The following MYO9A variants were observed in gnomAD, a reference collection of about 807,000 sequenced individuals.
MYO9A encodes the protein myosin IXA.
MYO9A carries 103 observed loss-of-function variants against 293.3 expected under a neutral mutation model. The ratio of observed to expected loss-of-function variants is 0.35; its 90% confidence interval spans 0.30 to 0.41. The LOEUF (loss-of-function observed/expected upper bound fraction) is 0.41, where lower values mean the gene tolerates loss of function less well. Among genes scored for constraint, MYO9A ranks in the 10% least tolerant of loss-of-function variants. MYO9A has a pLI of 1.00. For missense variants in MYO9A, 2,685 were observed against 3,033.0 expected (o/e 0.89, Z 2.69); for synonymous variants, 1,001 against 1,035.7 (o/e 0.97, Z 0.64).
At chr15:71,905,265 G>T (rs1213062282) in intron 19 of MYO9A, among the ~76,000 whole-genome samples, 1 of 152,092 alleles carries the variant, frequency 6.6e-6, no homozygotes, top group Non-Finnish European at 1.5e-5. Flanking sequence ...ATCAAATATA[G>T]AATTTTTTTC....
At chr15:72,043,034 A>G (rs542551885) in intron 2 of MYO9A, among the ~76,000 whole-genome samples, 2 of 151,734 alleles carry the variant, frequency 1.3e-5, no homozygotes, top group Admixed American at 6.6e-5. Flanking sequence ...ACACCACTAC[A>G]CTCCAGCCTG....
At chr15:71,835,967 A>T (rs2054924915) in intron 39 of MYO9A, among the ~76,000 whole-genome samples, 1 of 152,120 alleles carries the variant, frequency 6.6e-6, no homozygotes, top group Non-Finnish European at 1.5e-5. Flanking sequence ...GGGGAACTGC[A>T]GGGCATTGTG....
At chr15:71,859,620 A>G in intron 34 of MYO9A, 115 bp downstream of exon 34, 2 of 758,550 alleles carry the variant, frequency 2.6e-6, no homozygotes. Context: ...TTTGTGGTCA[A>G]AAAGTTTAAA....
At chr15:71,933,560 G>A (rs2058541483) in intron 18 of MYO9A, 110 bp downstream of exon 18, 2 of 1,009,050 alleles carry the variant, frequency 2.0e-6, no homozygotes, top group Non-Finnish European at 3.0e-6. Flanking sequence ...TCACTATCTT[G>A]GATACAAATA....
chr15:72,031,242 T>C (rs1253457707), intron 3 of MYO9A, among the ~76,000 whole-genome samples: 2 of 151,992 alleles, frequency 1.3e-5, no homozygotes, highest in East Asian at 3.9e-4. Context: ...AATAATAAAA[T>C]AGAACAACTA....
At chr15:71,909,832 T>C (rs1009847329) in intron 19 of MYO9A, among the ~76,000 whole-genome samples, 24 of 152,178 alleles carry the variant, frequency 1.6e-4, no homozygotes, top group Admixed American at 5.9e-4. Context: ...GCAAATGCTA[T>C]TGTAGTATAA....
chr15:72,023,452 G>A (rs1049713387), intron 4 of MYO9A, among the ~76,000 whole-genome samples: 1 of 152,106 alleles, frequency 6.6e-6, no homozygotes, highest in African/African-American at 2.4e-5. Flanking sequence ...CAGTACTTTG[G>A]GAGGCAGAGG....
chr15:71,982,005 A>ATTTGTTTTTTTTTTTTT (rs2076284822), intron 11 of MYO9A, among the ~76,000 whole-genome samples: 1 of 56,258 alleles, frequency 1.8e-5, no homozygotes, highest in African/African-American at 8.7e-5. Context: ...CCTATTTAGA[A>ATTTGTTTTTTTTTTTTT]TTTTTTTTTT....
chr15:72,045,663 C>A (rs928182519), intron 2 of MYO9A, 61 bp downstream of exon 2: 4 of 1,487,370 alleles, frequency 2.7e-6, no homozygotes, highest in East Asian at 4.7e-5. Flanking sequence ...ATGGTACACC[C>A]CCCCACCTCA....
At chr15:72,043,043 T>C (rs1474942691) in intron 2 of MYO9A, among the ~76,000 whole-genome samples, 1 of 151,844 alleles carries the variant, frequency 6.6e-6, no homozygotes, top group Non-Finnish European at 1.5e-5. Context: ...CACTCCAGCC[T>C]GGGCAATAGA....
intron 1 of MYO9A, among the ~76,000 whole-genome samples, chr15:72,101,184 C>T (rs1359828666): frequency 7.3e-6 from 1 of 136,242 alleles, no homozygotes; most frequent in Non-Finnish European, 1.6e-5. Flanking sequence ...GCCTGGCCGC[C>T]CCTACTGGGA....
intron 1 of MYO9A, among the ~76,000 whole-genome samples, chr15:72,093,257 G>C (rs562644101): frequency 1.3e-4 from 20 of 152,302 alleles, no homozygotes; most frequent in African/African-American, 4.8e-4. Context: ...GCTAGGTGTG[G>C]TGGCTCATGC....
chr15:72,107,798 C>CA (rs61497465), intron 1 of MYO9A, among the ~76,000 whole-genome samples: 45,729 of 142,922 alleles, frequency 0.32, 8,042 homozygotes, highest in East Asian at 0.59. Flanking sequence ...ATTTGAGCAT[C>CA]AAAAAAAAAA....
chr15:72,001,980 G>C (rs1376035141), intron 8 of MYO9A, among the ~76,000 whole-genome samples: 5 of 152,138 alleles, frequency 3.3e-5, no homozygotes, highest in South Asian at 2.1e-4. Flanking sequence ...ATTATTAAAA[G>C]TAAATATTGG....
chr15:71,897,331 A>T (rs2143020227), intron 25 of MYO9A, 130 bp downstream of exon 25: 3 of 988,052 alleles, frequency 3.0e-6, no homozygotes, highest in South Asian at 3.5e-5. Flanking sequence ...CAATTAGGGA[A>T]TATTTTTACA....
intron 16 of MYO9A, among the ~76,000 whole-genome samples, chr15:71,936,737 A>T (rs2058653133): frequency 6.6e-6 from 1 of 152,104 alleles, no homozygotes. Context: ...CAAGATATAT[A>T]AATGGCATGT....
At chr15:72,080,877 T>C (rs1414569114) in intron 1 of MYO9A, among the ~76,000 whole-genome samples, 2 of 152,174 alleles carry the variant, frequency 1.3e-5, no homozygotes, top group Non-Finnish European at 2.9e-5. Flanking sequence ...TCCATGTTCC[T>C]GCAAAGAAAA....
chr15:71,854,901 C>T (rs1315203871), intron 34 of MYO9A, among the ~76,000 whole-genome samples: 1 of 152,136 alleles, frequency 6.6e-6, no homozygotes, highest in African/African-American at 2.4e-5. Flanking sequence ...AACAGCTTGA[C>T]CACCTACCAG....
chr15:71,998,971 T>C (rs968099923), intron 9 of MYO9A: 3 of 152,032 alleles, frequency 2.0e-5, no homozygotes, highest in Admixed American at 6.5e-5. Flanking sequence ...CTTAATCCAG[T>C]CTATCAATGT....
Sources: gnomAD v4.1 joint callset for allele counts (sites outside exome capture counted in the v4.1 genomes callset) on GRCh38, gnomAD v4.1.1 for gene constraint, MANE v1.5 for transcripts, NCBI Gene and HGNC (gene_info 2026-07-23, HGNC 2026-07-21) for gene names.